The following NEDD4L variants were observed in gnomAD, a reference collection of about 807,000 sequenced individuals.
NEDD4L encodes the protein E3 ubiquitin-protein ligase NEDD4-like.
NEDD4L carries 54 observed loss-of-function variants against 148.9 expected under a neutral mutation model. The observed-to-expected ratio is 0.36, with a 90% CI of 0.29 to 0.45. NEDD4L has a LOEUF of 0.45. Ranked by LOEUF, NEDD4L falls within the 20% of genes least tolerant of loss-of-function variation. NEDD4L has a pLI of 1.00. For synonymous variants in NEDD4L, 433 were observed against 440.7 expected (o/e 0.98, Z 0.22); for missense variants, 856 against 1,233.8 (o/e 0.69, Z 4.59).
intron 6 of NEDD4L, among the ~76,000 whole-genome samples, chr18:58,321,840 CAAAT>C (rs1195409441): frequency 6.6e-6 from 1 of 152,154 alleles, no homozygotes; most frequent in Non-Finnish European, 1.5e-5. Flanking sequence ...TTCACACAAT[CAAAT>C]GAACACTGAT....
chr18:58,380,997 A>G (rs1255933963), intron 24 of NEDD4L, among the ~76,000 whole-genome samples: 1 of 152,164 alleles, frequency 6.6e-6, no homozygotes, highest in East Asian at 1.9e-4. Flanking sequence ...CGTTTAGGCT[A>G]TTTTAGTATT....
At chr18:58,209,423 A>C (rs1599735591) in intron 2 of NEDD4L, among the ~76,000 whole-genome samples, 1 of 10,308 alleles carries the variant, frequency 9.7e-5, no homozygotes, top group Non-Finnish European at 1.8e-4. Flanking sequence ...CCCCTCCTTT[A>C]CCTCCTCCTT....
chr18:58,392,083 T>C (rs1379662004), intron 30 of NEDD4L, among the ~76,000 whole-genome samples: 1 of 152,220 alleles, frequency 6.6e-6, no homozygotes, highest in Non-Finnish European at 1.5e-5. Flanking sequence ...GGAGCGTGGC[T>C]GCCCTCAGAA....
chr18:58,169,807 TCTC>T (rs776494011), intron 2 of NEDD4L, among the ~76,000 whole-genome samples: 3 of 151,944 alleles, frequency 2.0e-5, no homozygotes, highest in Non-Finnish European at 4.4e-5. Flanking sequence ...TGGGTCCTCA[TCTC>T]CTCCGCCACA....
intron 2 of NEDD4L, chr18:58,195,343 C>A: frequency 2.9e-6 from 3 of 1,045,858 alleles, no homozygotes; most frequent in Non-Finnish European, 3.7e-6. Context: ...CTCTTGAATA[C>A]ACGAAGTTCC....
intron 5 of NEDD4L, among the ~76,000 whole-genome samples, chr18:58,300,151 T>C (rs1380272017): frequency 1.3e-5 from 2 of 152,220 alleles, no homozygotes; most frequent in Non-Finnish European, 2.9e-5. Flanking sequence ...TATGCTCTTT[T>C]GTAACACAGG....
chr18:58,204,064 C>T (rs1007442380), intron 2 of NEDD4L, among the ~76,000 whole-genome samples: 5 of 152,182 alleles, frequency 3.3e-5, no homozygotes, highest in Admixed American at 6.5e-5. Flanking sequence ...TGGTGGCTGA[C>T]GCCTGTAATC....
chr18:58,357,510 A>G (rs970986146), intron 19 of NEDD4L: 2 of 640,116 alleles, frequency 3.1e-6, no homozygotes, highest in African/African-American at 1.8e-5. Context: ...CTTCTCCTTT[A>G]TAAAAGGGTG....
At chr18:58,158,887 C>G (rs891879066) in intron 1 of NEDD4L, among the ~76,000 whole-genome samples, 4 of 152,102 alleles carry the variant, frequency 2.6e-5, no homozygotes, top group African/African-American at 9.7e-5. Context: ...GTGCACACAC[C>G]TTGCCTCTGC....
At chr18:58,389,541 CA>C (rs1200034143) in intron 28 of NEDD4L, 1 of 192,408 alleles carries the variant, frequency 5.2e-6, no homozygotes, top group Non-Finnish European at 1.1e-5. Context: ...GATGGCTTTG[CA>C]AGATGCCACT....
In NEDD4L at chr18:58,184,037, C is replaced by T. The variant is rs189432640; in HGVS notation, c.122+18176C>T. Among the ~76,000 whole-genome samples, 1,362 of 152,120 alleles carry T rather than the reference C, an allele frequency of 9.0e-3. 13 individuals carry two copies. Among genetic ancestry groups the T allele is most frequent in the Non-Finnish European group, 0.012 (831 of 68,004 alleles). The stretch of plus-strand genomic sequence containing the variant: ...AGAGAAAATTAGCCAGGCGTGGTGG[C>T]GGGTGCCTGTAGTCCCAGCTACTCA... On this transcript the variant is annotated intron_variant, in intron 2 of 30. Coordinates refer to ENST00000400345, the MANE Select transcript of NEDD4L (RefSeq NM_001144967.3).
chr18:58,343,476 G>GT (rs2042684353), intron 16 of NEDD4L, among the ~76,000 whole-genome samples: 1 of 152,168 alleles, frequency 6.6e-6, no homozygotes, highest in African/African-American at 2.4e-5. Context: ...TCTTTTGTCA[G>GT]TTTCTTCTTG....
At chr18:58,174,384 C>T (rs539647230) in intron 2 of NEDD4L, among the ~76,000 whole-genome samples, 13 of 152,176 alleles carry the variant, frequency 8.5e-5, no homozygotes, top group Non-Finnish European at 2.9e-5. Flanking sequence ...GGGTTTCATC[C>T]GGGACCAGCA....
intron 1 of NEDD4L, among the ~76,000 whole-genome samples, chr18:58,092,356 T>G (rs2084122299): frequency 6.6e-6 from 1 of 152,066 alleles, no homozygotes; most frequent in Admixed American, 6.5e-5. Flanking sequence ...GGTGGGGGAT[T>G]GTGTGTAGAA....
At chr18:58,151,194 T>A (rs2034686041) in intron 1 of NEDD4L, among the ~76,000 whole-genome samples, 1 of 152,184 alleles carries the variant, frequency 6.6e-6, no homozygotes, top group African/African-American at 2.4e-5. Context: ...TGGTACAGCA[T>A]CCTGGAGTGG....
At chr18:58,180,057 G>A (rs896181508) in intron 2 of NEDD4L, among the ~76,000 whole-genome samples, 1 of 152,136 alleles carries the variant, frequency 6.6e-6, no homozygotes, top group African/African-American at 2.4e-5. Flanking sequence ...CTCCACCTAG[G>A]TATAGAATTC....
chr18:58,057,530 T>C (rs559693925), intron 1 of NEDD4L, among the ~76,000 whole-genome samples: 7 of 152,146 alleles, frequency 4.6e-5, no homozygotes, highest in African/African-American at 1.7e-4. Context: ...CTGGATGGGG[T>C]AGGCACTGGC....
chr18:58,128,090 A>C (rs1451450078), intron 1 of NEDD4L, among the ~76,000 whole-genome samples: 2 of 151,702 alleles, frequency 1.3e-5, no homozygotes, highest in Non-Finnish European at 2.9e-5. Context: ...TCTGTCGCCC[A>C]GGCTGGAGTG....
intron 1 of NEDD4L, among the ~76,000 whole-genome samples, chr18:58,079,780 G>T (rs1043482481): frequency 6.6e-6 from 1 of 152,310 alleles, no homozygotes. Context: ...TTTAAACTGG[G>T]TGAGGTATGA....
Sources: gnomAD v4.1 joint callset for allele counts (sites outside exome capture counted in the v4.1 genomes callset) on GRCh38, gnomAD v4.1.1 for gene constraint, MANE v1.5 for transcripts, NCBI Gene and HGNC (gene_info 2026-07-23, HGNC 2026-07-21) for gene names.